MTA3: variants seen among roughly 807,000 people sequenced by gnomAD.
MTA3 encodes metastasis-associated protein MTA3.
A neutral mutation model predicts 83.5 loss-of-function variants in MTA3; 34 were observed. The observed-to-expected ratio is 0.41, with a 90% CI of 0.31 to 0.54. MTA3 has a LOEUF of 0.54. Ranked by LOEUF, MTA3 falls within the 20% of genes least tolerant of loss-of-function variation. The pLI is 0.33. For missense variants in MTA3, 761 were observed against 726.4 expected (o/e 1.05, Z -0.55); for synonymous variants, 303 against 252.7 (o/e 1.20, Z -1.89).
rs1678088168 is a variant in MTA3 at position 42,568,718 on chromosome 2, C to T, written c.-28C>T. ...GGCGGCGGCGGCGGGCGGGGCTCGGCTCGGGCTCCGCGGGCGGGCGGGCGG... is the reference window on the plus strand; with the variant it reads ...GGCGGCGGCGGCGGGCGGGGCTCGGTTCGGGCTCCGCGGGCGGGCGGGCGG... On this transcript the variant is annotated 5_prime_UTR_variant, in exon 1 of 17. Coordinates refer to ENST00000405094, the MANE Select transcript of MTA3 (RefSeq NM_001330442.2). 1 of 1,210,668 alleles carries T rather than the reference C, an allele frequency of 8.3e-7. No homozygotes were observed. Among genetic ancestry groups the T allele is most frequent in the South Asian group, 4.1e-5 (1 of 24,216 alleles). 75.0% of individuals were successfully genotyped at this position (1,210,668 alleles called of 1,614,324 possible).
At chr2:42,656,339 T>C in intron 7 of MTA3, 37 bp downstream of exon 7, 1 of 1,358,142 alleles carries the variant, frequency 7.4e-7, no homozygotes, top group Non-Finnish European at 1.0e-6. Context: ...TCAATAAATT[T>C]CTTTATATAA....
At chr2:42,519,869 T>C (rs1675336454) in intron 2 of MTA3, among the ~76,000 whole-genome samples, 1 of 152,070 alleles carries the variant, frequency 6.6e-6, no homozygotes, top group Non-Finnish European at 1.5e-5. Flanking sequence ...GGCAACATGG[T>C]GAAACCCTGT....
intron 3 of MTA3, among the ~76,000 whole-genome samples, chr2:42,586,248 C>T (rs114930916): frequency 0.11 from 15,568 of 146,050 alleles, 919 homozygotes; most frequent in South Asian, 0.17. Flanking sequence ...CACTCCAGCC[C>T]GGACAACAGG....
intron 2 of MTA3, among the ~76,000 whole-genome samples, chr2:42,501,549 A>G (rs1027365239): frequency 6.6e-6 from 1 of 152,226 alleles, no homozygotes; most frequent in Non-Finnish European, 1.5e-5. Context: ...AGGTAACATT[A>G]AAGTTACCTA....
chr2:42,606,861 C>A (rs558089811), intron 3 of MTA3, among the ~76,000 whole-genome samples: 1 of 148,664 alleles, frequency 6.7e-6, no homozygotes, highest in South Asian at 2.2e-4. Flanking sequence ...GCGGATCACT[C>A]GCGGTTAGGG....
intron 3 of MTA3, among the ~76,000 whole-genome samples, chr2:42,584,592 A>T (rs1680049807): frequency 6.6e-6 from 1 of 151,840 alleles, no homozygotes; most frequent in African/African-American, 2.4e-5. Flanking sequence ...CCATAGTTGA[A>T]TAAAAAAATT....
rs556839917 is a variant in MTA3, at chr2:42,581,829, C to G, written c.190+2629C>G. On this transcript the variant is annotated intron_variant, in intron 3 of 16. Transcript: ENST00000405094. ...TTGCCCAGGCTGGAGTGCAATGGCACGATCTCGGCTCACTGCAACCTCCAC... is the reference window on the plus strand; with the variant it reads ...TTGCCCAGGCTGGAGTGCAATGGCAGGATCTCGGCTCACTGCAACCTCCAC... 1.5e-4 allele frequency: 36 copies of G among 244,922 alleles called. 1 individual carries two copies. Among genetic ancestry groups the G allele is most frequent in the African/African-American group, 6.6e-4 (28 of 42,338 alleles). 15.2% of individuals were successfully genotyped at this position (244,922 alleles called of 1,614,324 possible).
intron 10 of MTA3, among the ~76,000 whole-genome samples, chr2:42,696,125 A>G (rs764194117): frequency 2.0e-5 from 3 of 152,172 alleles, no homozygotes; most frequent in South Asian, 2.1e-4. Flanking sequence ...GTTCATGGCA[A>G]TGATCAAAGA....
chr2:42,643,957 A>C (rs1483414080), intron 5 of MTA3, among the ~76,000 whole-genome samples, 170 bp from the exon 6 acceptor site: 2 of 152,234 alleles, frequency 1.3e-5, no homozygotes, highest in Non-Finnish European at 2.9e-5. Context: ...ACTGTTTTAC[A>C]TGATGACGGT....
intron 9 of MTA3, among the ~76,000 whole-genome samples, chr2:42,694,966 C>G (rs569176580): frequency 6.6e-6 from 1 of 151,674 alleles, no homozygotes; most frequent in Non-Finnish European, 1.5e-5. Flanking sequence ...TAGGGAGACC[C>G]CAACTCTACA....
intron 4 of MTA3, among the ~76,000 whole-genome samples, chr2:42,629,452 T>C (rs1289839999): frequency 2.0e-5 from 3 of 151,980 alleles, no homozygotes; most frequent in South Asian, 2.1e-4. Context: ...AAAATTTAAA[T>C]TTTTTTTGGT....
At chr2:42,750,987 T>G (rs1669835250) in intron 16 of MTA3, among the ~76,000 whole-genome samples, 2 of 152,210 alleles carry the variant, frequency 1.3e-5, no homozygotes, top group Admixed American at 1.3e-4. Context: ...CTAGACAAAT[T>G]GGGTACTCAG....
At chr2:42,637,949 G>A (rs1687343131) in intron 4 of MTA3, among the ~76,000 whole-genome samples, 1 of 152,122 alleles carries the variant, frequency 6.6e-6, no homozygotes, top group African/African-American at 2.4e-5. Context: ...GACTATTAAA[G>A]ACAGTGGTAT....
intron 2 of MTA3, among the ~76,000 whole-genome samples, chr2:42,521,268 A>G (rs1675418017): frequency 1.3e-5 from 2 of 152,236 alleles, no homozygotes; most frequent in East Asian, 3.9e-4. Flanking sequence ...GCAGAAAGGA[A>G]CTGACATCTC....
In MTA3 at chr2:42,692,002, A is replaced by G. The variant is rs1288762735; in HGVS notation, c.892-3763A>G. Among the ~76,000 whole-genome samples, 5 of 151,968 alleles carry G rather than the reference A, an allele frequency of 3.3e-5. 1 individual carries two copies. The highest frequency in any genetic ancestry group is 7.4e-5 in the Non-Finnish European group (5 of 68,004). The stretch of plus-strand genomic sequence containing the variant: ...AACCTTATTGAATATCGATGTTAAT[A>G]TTTTTCTCCAGGTTTGGGAAATTCC... On this transcript the variant is annotated intron_variant, in intron 9 of 16. Transcript: ENST00000405094.
intron 6 of MTA3, among the ~76,000 whole-genome samples, chr2:42,645,308 T>G (rs1284109936): frequency 3.9e-5 from 6 of 152,026 alleles, no homozygotes; most frequent in African/African-American, 1.2e-4. Context: ...GTGGATTACT[T>G]GAGACCAGGA....
rs373911083 is a variant in MTA3 at position 42,559,730 on chromosome 2, G to T, written c.-140-10707G>T. Among the ~76,000 whole-genome samples, 10 of 149,718 alleles carry T rather than the reference G, an allele frequency of 6.7e-5. No individual in the cohort carries two copies. In the South Asian group the frequency reaches 1.9e-3, roughly 28 times the overall value. ...CCCATCTCTACTAAACACAAAATTA[G>T]CCAGGCGTGGTAGCGCATGCCTGTA... is the stretch of plus-strand genomic sequence containing the variant. On this transcript the variant is annotated intron_variant, in intron 2 of 17. Transcript: ENST00000405592.
chr2:42,499,868 G>T (rs1434430917), intron 2 of MTA3, among the ~76,000 whole-genome samples: 1 of 151,854 alleles, frequency 6.6e-6, no homozygotes, highest in Non-Finnish European at 1.5e-5. Flanking sequence ...TTTCAAAAGT[G>T]TATACTCATC....
intron 8 of MTA3, among the ~76,000 whole-genome samples, chr2:42,663,001 A>G (rs1044643757): frequency 6.6e-6 from 1 of 151,970 alleles, no homozygotes; most frequent in African/African-American, 2.4e-5. Flanking sequence ...AGTTGCTGGG[A>G]TTACAGGTGT....
Sources: gnomAD v4.1 joint callset for allele counts (sites outside exome capture counted in the v4.1 genomes callset) on GRCh38, gnomAD v4.1.1 for gene constraint, MANE v1.5 for transcripts, NCBI Gene and HGNC (gene_info 2026-07-23, HGNC 2026-07-21) for gene names.